TMEM132C: variants seen among roughly 807,000 people sequenced by gnomAD.
TMEM132C encodes protein phosphatase 1, regulatory subunit 152.
Under a neutral mutation model 61.4 loss-of-function variants are expected in TMEM132C, and 29 were observed. The ratio of observed to expected loss-of-function variants is 0.47; its 90% CI spans 0.35 to 0.64. TMEM132C has a LOEUF of 0.64. Ranked by LOEUF, TMEM132C falls within the 30% of genes least tolerant of loss-of-function variation. The pLI, the probability that TMEM132C is intolerant of heterozygous loss-of-function variation, is 0.00. For synonymous variants in TMEM132C, 656 were observed against 633.1 expected (o/e 1.04, Z -0.54); for missense variants, 1,408 against 1,476.9 (o/e 0.95, Z 0.76).
chr12:128,398,500 G>A (rs574559698), intron 1 of TMEM132C, among the ~76,000 whole-genome samples: 88 of 152,312 alleles, frequency 5.8e-4, no homozygotes, highest in African/African-American at 1.9e-3. Context: ...TTGTTATGAT[G>A]TTGGCACGTT....
chr12:128,632,020 C>A (rs187463244), intron 4 of TMEM132C, among the ~76,000 whole-genome samples: 100 of 152,138 alleles, frequency 6.6e-4, no homozygotes, highest in African/African-American at 2.0e-3. Flanking sequence ...GCTGACAAAC[C>A]CCAATAGATG....
chr12:128,333,278 G>A (rs1033679391), intron 1 of TMEM132C, among the ~76,000 whole-genome samples: 2 of 151,706 alleles, frequency 1.3e-5, no homozygotes, highest in African/African-American at 4.8e-5. Flanking sequence ...TGTTTACATG[G>A]GTTTGAGTGT....
intron 3 of TMEM132C, among the ~76,000 whole-genome samples, chr12:128,612,837 A>G (rs966592442): frequency 2.0e-5 from 3 of 152,222 alleles, no homozygotes; most frequent in African/African-American, 7.2e-5. Context: ...CTTGTCCATG[A>G]CTATGCCTTT....
chr12:128,568,599 G>A (rs145639100), intron 3 of TMEM132C, among the ~76,000 whole-genome samples: 17 of 152,318 alleles, frequency 1.1e-4, no homozygotes, highest in East Asian at 9.6e-4. Flanking sequence ...AGCCCAGAGC[G>A]TTTAAGAAAT....
intron 4 of TMEM132C, among the ~76,000 whole-genome samples, chr12:128,639,031 GTGA>G (rs1214909213): frequency 1.2e-3 from 41 of 33,956 alleles, no homozygotes; most frequent in African/African-American, 3.0e-3. Context: ...GGTGATGGTG[GTGA>G]TGATGATGGT....
At chr12:128,697,979 C>T (rs958328608) in intron 8 of TMEM132C, among the ~76,000 whole-genome samples, 2 of 152,222 alleles carry the variant, frequency 1.3e-5, no homozygotes, top group African/African-American at 4.8e-5. Context: ...ATGATACCCT[C>T]TTCTCATAAA....
chr12:128,268,644 T>C (rs7302279), intron 1 of TMEM132C, among the ~76,000 whole-genome samples: 62,148 of 152,026 alleles, frequency 0.41, 13,462 homozygotes, highest in African/African-American at 0.52. Flanking sequence ...AAAGCCACCC[T>C]TCTCCCGCCT....
At chr12:128,690,077 G>C (rs1347985676) in intron 5 of TMEM132C, among the ~76,000 whole-genome samples, 1 of 152,178 alleles carries the variant, frequency 6.6e-6, no homozygotes, top group African/African-American at 2.4e-5. Context: ...AGTGATAACG[G>C]AATATGGCAA....
intron 3 of TMEM132C, among the ~76,000 whole-genome samples, chr12:128,607,650 A>T (rs1301409058): frequency 1.3e-5 from 2 of 152,174 alleles, no homozygotes; most frequent in African/African-American, 4.8e-5. Context: ...GAAAGAGAGC[A>T]TTCAAGAATG....
At chr12:128,510,663 T>A (rs1872538308) in intron 2 of TMEM132C, among the ~76,000 whole-genome samples, 2 of 152,326 alleles carry the variant, frequency 1.3e-5, no homozygotes. Context: ...GACATGAACC[T>A]GGTAAACCGC....
chr12:128,419,686 T>G (rs1027504480), intron 2 of TMEM132C, among the ~76,000 whole-genome samples: 1 of 152,198 alleles, frequency 6.6e-6, no homozygotes, highest in Non-Finnish European at 1.5e-5. Context: ...ATGGTTATTT[T>G]CTTTTGATAG....
intron 4 of TMEM132C, among the ~76,000 whole-genome samples, chr12:128,637,836 A>C (rs11613040): frequency 0.06 from 9,174 of 152,290 alleles, 354 homozygotes; most frequent in Non-Finnish European, 0.087. Context: ...AACTTTGCTG[A>C]GTTCAACTGC....
intron 2 of TMEM132C, among the ~76,000 whole-genome samples, chr12:128,453,803 A>G (rs1484879797): frequency 6.6e-6 from 1 of 152,222 alleles, no homozygotes; most frequent in Non-Finnish European, 1.5e-5. Flanking sequence ...AATAAGAAGA[A>G]GGAAGGGGAG....
rs146550681 is a variant in TMEM132C at position 128,615,022 on chromosome 12, C to A, written c.1122-1130C>A. ...CAGGGCCACTGTGCTCACCAGAAAA[C>A]CCCAACTGCCTTCCTGGCTGCTGCT... On this transcript the variant is annotated intron_variant, in intron 3 of 8. Coordinates refer to ENST00000435159, the MANE Select transcript of TMEM132C (RefSeq NM_001136103.3). Among the ~76,000 whole-genome samples the A allele has an allele frequency of 5.2e-4, 79 of 152,354 alleles. No homozygotes were observed. In the East Asian group the frequency reaches 0.013, roughly 26 times the overall value.
chr12:128,502,058 A>G (rs1426019491), intron 2 of TMEM132C, among the ~76,000 whole-genome samples: 1 of 152,240 alleles, frequency 6.6e-6, no homozygotes, highest in Non-Finnish European at 1.5e-5. Context: ...TTATAGCTAC[A>G]TGCCAAATAT....
intron 1 of TMEM132C, among the ~76,000 whole-genome samples, chr12:128,328,855 T>G (rs747782886): frequency 1.1e-4 from 17 of 151,140 alleles, no homozygotes; most frequent in Non-Finnish European, 2.5e-4. Flanking sequence ...AAAACACCGT[T>G]GTGATTTGAG....
intron 3 of TMEM132C, among the ~76,000 whole-genome samples, chr12:128,604,355 G>C (rs1293959327): frequency 6.6e-6 from 1 of 151,924 alleles, no homozygotes; most frequent in Non-Finnish European, 1.5e-5. Context: ...TGGATAGATA[G>C]ATGGATAATA....
chr12:128,516,872 C>A (rs1259376981), intron 2 of TMEM132C, among the ~76,000 whole-genome samples: 3 of 151,820 alleles, frequency 2.0e-5, no homozygotes, highest in African/African-American at 4.8e-5. Context: ...TATGATCATG[C>A]CACTGTATTC....
chr12:128,525,515 A>T (rs1873055793), intron 2 of TMEM132C, among the ~76,000 whole-genome samples: 1 of 152,124 alleles, frequency 6.6e-6, no homozygotes, highest in Admixed American at 6.5e-5. Flanking sequence ...TCTTGAGCTG[A>T]CTTTTGAAGC....
Sources: gnomAD v4.1 joint callset for allele counts (sites outside exome capture counted in the v4.1 genomes callset) on GRCh38, gnomAD v4.1.1 for gene constraint, MANE v1.5 for transcripts, NCBI Gene and HGNC (gene_info 2026-07-23, HGNC 2026-07-21) for gene names.